DDX46: variants seen among roughly 807,000 people sequenced by gnomAD.
The protein encoded by DDX46 is DEAD-box helicase 46.
DDX46 carries 30 observed loss-of-function variants against 134.9 expected under a neutral mutation model. The ratio of observed to expected loss-of-function variants is 0.22; its 90% CI spans 0.17 to 0.30. The LOEUF (loss-of-function observed/expected upper bound fraction) is 0.30, where lower values mean the gene tolerates loss of function less well. Ranked by LOEUF, DDX46 falls within the 10% of genes least tolerant of loss-of-function variation. DDX46 has a pLI of 1.00. For synonymous variants in DDX46, 415 were observed against 404.1 expected (o/e 1.03, Z -0.32); for missense variants, 622 against 1,248.7 (o/e 0.50, Z 7.56).
intron 18 of DDX46, 139 bp downstream of exon 18, chr5:134,811,984 C>G (rs1755158038): frequency 1.1e-6 from 1 of 886,744 alleles, no homozygotes; most frequent in Admixed American, 3.3e-5. Context: ...TTTGGAAAAT[C>G]TGCCTACTAC....
At chr5:134,769,844 G>T (rs1390011594) in intron 3 of DDX46, among the ~76,000 whole-genome samples, 1 of 152,068 alleles carries the variant, frequency 6.6e-6, no homozygotes, top group Non-Finnish European at 1.5e-5. Flanking sequence ...ACCGCGCCCG[G>T]CCGAGTTGGG....
chr5:134,788,205 A>G (rs907578026), intron 11 of DDX46, among the ~76,000 whole-genome samples: 4 of 151,474 alleles, frequency 2.6e-5, no homozygotes, highest in African/African-American at 7.3e-5. Flanking sequence ...GCTCACTCCA[A>G]CCTTGAACTC....
intron 12 of DDX46, 151 bp downstream of exon 12, chr5:134,788,742 G>C: frequency 1.5e-6 from 1 of 657,952 alleles, no homozygotes; most frequent in Admixed American, 2.9e-5. Flanking sequence ...CCAGCTACTT[G>C]GGAGGCTGAG....
intron 16 of DDX46, among the ~76,000 whole-genome samples, chr5:134,808,368 T>G (rs981007054): frequency 6.6e-6 from 1 of 152,198 alleles, no homozygotes; most frequent in Non-Finnish European, 1.5e-5. Flanking sequence ...TACTTGGGCA[T>G]CATCATCTAA....
At chr5:134,776,856 G>A (rs1390516519) in intron 5 of DDX46, among the ~76,000 whole-genome samples, 1 of 148,698 alleles carries the variant, frequency 6.7e-6, no homozygotes, top group African/African-American at 2.5e-5. Context: ...AGAGGTTGCA[G>A]TAAGCTGAGA....
intron 20 of DDX46, among the ~76,000 whole-genome samples, chr5:134,818,218 CA>C (rs1755337602): frequency 1.3e-5 from 2 of 151,582 alleles, no homozygotes; most frequent in African/African-American, 2.4e-5. Context: ...CTCGGCCTCC[CA>C]AAGTGCTGGG....
chr5:134,806,836 G>T (rs1007785194), intron 15 of DDX46, among the ~76,000 whole-genome samples: 7 of 151,984 alleles, frequency 4.6e-5, no homozygotes, highest in African/African-American at 1.7e-4. Context: ...AATATTTTGT[G>T]GTCTGGGCAT....
At chr5:134,826,092 A>G (rs1755584100) in intron 21 of DDX46, 1 of 152,242 alleles carries the variant, frequency 6.6e-6, no homozygotes, top group Non-Finnish European at 1.5e-5. Flanking sequence ...AAGGAAAAAA[A>G]CACTTAACTG....
In DDX46 at chr5:134,770,744, G is replaced by C. The variant is rs553005000; in HGVS notation, c.351-159G>C. The stretch of plus-strand genomic sequence containing the variant: ...GGAGAATCGCTTGAACCCGGGAGGT[G>C]GAGGTTGCAGTGAGCTGAGATCGCA... On this transcript the variant is annotated intron_variant, in intron 3 of 22. Transcript: ENST00000452510. 1.1e-4 allele frequency among the ~76,000 whole-genome samples: 16 copies of C among 151,962 alleles called. No individual in the cohort carries two copies. The South Asian group carries it at 1.9e-3, about 18-fold the overall frequency.
At chr5:134,759,160 C>G (rs1448257767) in intron 1 of DDX46, among the ~76,000 whole-genome samples, 1 of 152,170 alleles carries the variant, frequency 6.6e-6, no homozygotes, top group Non-Finnish European at 1.5e-5. Flanking sequence ...GCACTACCAT[C>G]AGAGGGTTCG....
intron 15 of DDX46, among the ~76,000 whole-genome samples, chr5:134,797,651 G>A (rs1754708115): frequency 6.6e-6 from 1 of 152,152 alleles, no homozygotes; most frequent in Non-Finnish European, 1.5e-5. Context: ...AGGCATAGGT[G>A]TCACTTCTTG....
At chr5:134,806,288 T>A (rs1754984255) in intron 15 of DDX46, among the ~76,000 whole-genome samples, 1 of 152,176 alleles carries the variant, frequency 6.6e-6, no homozygotes, top group South Asian at 2.1e-4. Context: ...AATTCACTCT[T>A]TGAGACTGGG....
intron 15 of DDX46, among the ~76,000 whole-genome samples, chr5:134,802,181 T>G (rs796332206): frequency 6.7e-4 from 85 of 126,096 alleles, no homozygotes; most frequent in African/African-American, 2.6e-3. Context: ...TTTTTTTTTT[T>G]GAGATGGAGT....
chr5:134,802,598 T>C (rs1432707535), intron 15 of DDX46, among the ~76,000 whole-genome samples: 1 of 152,110 alleles, frequency 6.6e-6, no homozygotes, highest in Non-Finnish European at 1.5e-5. Context: ...ATTACAAATA[T>C]GTTCTCTTTT....
intron 13 of DDX46, among the ~76,000 whole-genome samples, chr5:134,793,096 G>A (rs1274305667): frequency 1.3e-5 from 2 of 152,194 alleles, no homozygotes; most frequent in South Asian, 2.1e-4. Flanking sequence ...GATAGAGGCT[G>A]TGGTGAGCCA....
chr5:134,803,991 G>A (rs1359919744), intron 15 of DDX46, among the ~76,000 whole-genome samples: 1 of 149,376 alleles, frequency 6.7e-6, no homozygotes, highest in Non-Finnish European at 1.5e-5. Flanking sequence ...GGAGTGCAGG[G>A]GTGTGATCAC....
At chr5:134,806,343 G>C (rs574736066) in intron 15 of DDX46, among the ~76,000 whole-genome samples, 1 of 152,256 alleles carries the variant, frequency 6.6e-6, no homozygotes, top group African/African-American at 2.4e-5. Flanking sequence ...TATGTGTTGG[G>C]TTGGTATGTG....
At chr5:134,795,951 T>G (rs1426580338) in intron 14 of DDX46, 37 bp from the exon 15 acceptor site, 3 of 1,589,346 alleles carry the variant, frequency 1.9e-6, no homozygotes, top group Non-Finnish European at 2.6e-6. Flanking sequence ...CATTTGCATT[T>G]TCACTTCATT....
intron 18 of DDX46, among the ~76,000 whole-genome samples, chr5:134,813,955 G>T (rs956231359): frequency 6.6e-6 from 1 of 151,946 alleles, no homozygotes; most frequent in African/African-American, 2.4e-5. Context: ...AAGTCATTAA[G>T]TCCAGCCCAC....
Sources: allele counts gnomAD v4.1 joint callset (sites outside exome capture counted in the v4.1 genomes callset), GRCh38; gene constraint gnomAD v4.1.1; transcripts MANE v1.5; gene names NCBI Gene and HGNC (gene_info 2026-07-23, HGNC 2026-07-21).